THEMIS: variants seen among roughly 807,000 people sequenced by gnomAD.
THEMIS encodes thymocyte selection associated.
In THEMIS, 37 loss-of-function variants were observed where a neutral mutation model predicts 52.6. The ratio of observed to expected loss-of-function variants is 0.70; its 90% CI spans 0.54 to 0.93. THEMIS has a LOEUF of 0.93. Among genes scored for constraint, THEMIS ranks in the 40% least tolerant of loss-of-function variants. The pLI, the probability that THEMIS is intolerant of heterozygous loss-of-function variation, is 0.00. For synonymous variants in THEMIS, 292 were observed against 272.7 expected, an observed-to-expected ratio of 1.07 and a Z score of -0.70; for missense variants, 808 against 763.1, an observed-to-expected ratio of 1.06 and a Z score of -0.69.
chr6:127,705,938 C>A (rs1267837312), downstream of THEMIS, among the ~76,000 whole-genome samples: 2 of 152,082 alleles, frequency 1.3e-5, no homozygotes, highest in African/African-American at 4.8e-5. Context: ...TCTTATGAAA[C>A]CATGTATTTA....
intron 4 of THEMIS, among the ~76,000 whole-genome samples, chr6:127,740,654 G>A (rs909226078): frequency 2.6e-5 from 4 of 152,006 alleles, no homozygotes; most frequent in African/African-American, 4.8e-5. Flanking sequence ...TTAGCTATCC[G>A]AAAATAAAGC....
chr6:127,913,979 T>C (rs933433666), intron 1 of THEMIS, among the ~76,000 whole-genome samples: 4 of 152,180 alleles, frequency 2.6e-5, no homozygotes, highest in Non-Finnish European at 4.4e-5. Context: ...CAAAAAATGA[T>C]TCAGATTCTT....
chr6:127,777,030 CT>C (rs1237262732), intron 4 of THEMIS, among the ~76,000 whole-genome samples: 3 of 151,868 alleles, frequency 2.0e-5, no homozygotes, highest in Non-Finnish European at 4.4e-5. Context: ...ATTCTTTTAA[CT>C]TTTCTGCATT....
chr6:127,881,445 A>G (rs941710676), intron 1 of THEMIS, among the ~76,000 whole-genome samples: 1 of 152,028 alleles, frequency 6.6e-6, no homozygotes, highest in Admixed American at 6.5e-5. Context: ...CTATATTTAT[A>G]GGATTATAGG....
At chr6:127,822,171 C>T (rs1017526737) in intron 3 of THEMIS, among the ~76,000 whole-genome samples, 8 of 152,072 alleles carry the variant, frequency 5.3e-5, no homozygotes, top group Middle Eastern at 6.8e-3. Context: ...ATTTGCATTG[C>T]ATTACAATCC....
At chr6:127,794,194 T>C (rs1044818948) in intron 4 of THEMIS, among the ~76,000 whole-genome samples, 5 of 152,230 alleles carry the variant, frequency 3.3e-5, no homozygotes, top group African/African-American at 9.6e-5. Context: ...TCCATTGCTA[T>C]CTTCCTAGCC....
At chr6:127,700,722 C>T in the THEMIS span, among the ~76,000 whole-genome samples, 11 of 151,970 alleles carry the variant, frequency 7.2e-5, no homozygotes, top group African/African-American at 2.4e-4. Flanking sequence ...AAATAAACTG[C>T]ACACAGGGGA....
intron 4 of THEMIS, among the ~76,000 whole-genome samples, chr6:127,728,678 A>G (rs537003438): frequency 1.3e-5 from 2 of 152,282 alleles, no homozygotes; most frequent in South Asian, 4.1e-4. Flanking sequence ...AGAGGCAAAG[A>G]ATTCCCTGCC....
intron 3 of THEMIS, among the ~76,000 whole-genome samples, chr6:127,818,892 G>A (rs149953854): frequency 9.1e-4 from 139 of 151,940 alleles, no homozygotes; most frequent in Middle Eastern, 3.4e-3. Flanking sequence ...GGCTGAGGCA[G>A]GCAGATCACA....
At chr6:127,895,872 C>G (rs1413368425) in intron 1 of THEMIS, among the ~76,000 whole-genome samples, 1 of 151,058 alleles carries the variant, frequency 6.6e-6, no homozygotes, top group Non-Finnish European at 1.5e-5. Context: ...GTAAGTTCAA[C>G]TAACTTGATA....
chr6:127,709,997 T>A lies in THEMIS; in HGVS notation c.1914A>T (p.Lys638Asn). The A allele has an allele frequency of 6.3e-7, 1 of 1,586,530 alleles. No homozygotes were observed. Among genetic ancestry groups the A allele is most frequent in the Non-Finnish European group, 8.6e-7 (1 of 1,167,152 alleles). ...CTGTCACATCTTGTTATTTTTGATG[T>A]TTTTCATTTTTGAATGTTTCTATAA... is the stretch of plus-strand genomic sequence containing the variant. The part of the protein sequence containing the change: ...TAIAETFKNE[K>N]HQK Residue 638 changes from lysine (K) to asparagine (N), a missense_variant, in exon 6 of 6, where the codon AAA becomes AAT. Coordinates refer to ENST00000368248, the MANE Select transcript of THEMIS (RefSeq NM_001010923.3).
intron 1 of THEMIS, among the ~76,000 whole-genome samples, chr6:127,871,498 A>G (rs1216975539): frequency 6.6e-6 from 1 of 152,058 alleles, no homozygotes; most frequent in African/African-American, 2.4e-5. Context: ...ACAGAAAAAA[A>G]TAAAGAAAAT....
chr6:127,787,880 T>TAGATAGATAGAGATAG (rs200767496), intron 4 of THEMIS, among the ~76,000 whole-genome samples: 1 of 119,908 alleles, frequency 8.3e-6, no homozygotes, highest in African/African-American at 3.0e-5. Context: ...GATAGATAGA[T>TAGATAGATAGAGATAG]ATAGATAGAT....
At chr6:127,766,134 T>C (rs1044792173) in intron 4 of THEMIS, among the ~76,000 whole-genome samples, 6 of 152,140 alleles carry the variant, frequency 3.9e-5, no homozygotes, top group Non-Finnish European at 7.4e-5. Flanking sequence ...ATATTCTCTG[T>C]CCATGGTGCC....
At chr6:127,703,797 G>A (rs536187606), downstream of THEMIS, among the ~76,000 whole-genome samples, 2 of 152,166 alleles carry the variant, frequency 1.3e-5, no homozygotes, top group African/African-American at 2.4e-5. Flanking sequence ...CAAAGAACAG[G>A]TTATTGCACT....
chr6:127,786,524 A>C (rs1041798876), intron 4 of THEMIS, among the ~76,000 whole-genome samples: 2 of 152,224 alleles, frequency 1.3e-5, no homozygotes, highest in Admixed American at 6.5e-5. Flanking sequence ...GTGTTGGTTG[A>C]GTATTCATTA....
intron 1 of THEMIS, among the ~76,000 whole-genome samples, chr6:127,881,109 CACTT>C (rs770299242): frequency 9.9e-5 from 15 of 152,026 alleles, no homozygotes; most frequent in Non-Finnish European, 1.9e-4. Context: ...AACTTGAAGT[CACTT>C]TCTTTCCCAT....
chr6:127,813,415 T>G lies in THEMIS; in HGVS notation c.1226A>C (p.Asn409Thr). 1 of 1,613,946 alleles carries G rather than the reference T, an allele frequency of 6.2e-7. No homozygotes were observed. The highest frequency in any genetic ancestry group is 1.1e-5 in the South Asian group (1 of 91,064). ...VLCEGIKKVV[N>T]VLACEKILKK... ...GAGGATTTTTTCACAGGCCAGAACA[T>G]TCACCACTTTTTTTATTCCCTCACA... The change falls in exon 4 of 6, where the codon AAT becomes ACT. Residue 409 changes from asparagine (N) to threonine (T), a missense_variant. Transcript: ENST00000368248.
At chr6:127,787,192 T>G (rs1444152300) in intron 4 of THEMIS, among the ~76,000 whole-genome samples, 2 of 151,986 alleles carry the variant, frequency 1.3e-5, no homozygotes, top group East Asian at 1.9e-4. Flanking sequence ...AGATATAGGG[T>G]TTTTTTTAAT....
Sources: gnomAD v4.1 joint callset for allele counts (sites outside exome capture counted in the v4.1 genomes callset) on GRCh38, gnomAD v4.1.1 for gene constraint, MANE v1.5 for transcripts, NCBI Gene and HGNC (gene_info 2026-07-23, HGNC 2026-07-21) for gene names.